Variants in CYFIP1 observed in about 807,000 individuals in gnomAD.
The protein encoded by CYFIP1 is cytoplasmic FMR1-interacting protein 1.
Under a neutral mutation model 163.5 loss-of-function variants are expected in CYFIP1, and 58 were observed. The ratio of observed to expected loss-of-function variants is 0.35; its 90% confidence interval spans 0.29 to 0.44. The LOEUF is 0.44. CYFIP1 is among the 20% of genes least tolerant of loss of function. The pLI is 1.00. For missense variants in CYFIP1, 1,338 were observed against 1,653.8 expected (o/e 0.81, Z 3.31); for synonymous variants, 663 against 660.7 (o/e 1.00, Z -0.05).
At chr15:22,940,109 G>T (rs2061849921) in intron 6 of CYFIP1, among the ~76,000 whole-genome samples, 1 of 152,218 alleles carries the variant, frequency 6.6e-6, no homozygotes, top group East Asian at 1.9e-4. Flanking sequence ...AGGGCAGGGT[G>T]AAGGTGGGGG....
chr15:22,928,623 A>T (rs1027949458), intron 11 of CYFIP1, among the ~76,000 whole-genome samples: 15 of 152,056 alleles, frequency 9.9e-5, no homozygotes, highest in African/African-American at 3.6e-4. Context: ...GAAGGGCAAC[A>T]CACAAGTCAC....
rs180803969 is a variant in CYFIP1, at chr15:22,947,462, C to T, written c.-6-171G>A. 3.3e-5 allele frequency: 29 copies of T among 883,668 alleles called. No individual in the cohort carries two copies. The African/African-American group carries it at 3.7e-4, about 11-fold the overall frequency. 54.7% of individuals were successfully genotyped at this position (883,668 alleles called of 1,614,324 possible). ...GGAGTTGCGTGTCTCTCTCAGGGCA[C>T]GTGGGCCAGCAGGCTGGGAGGCCCT... is the stretch of plus-strand genomic sequence containing the variant. On this transcript the variant is annotated intron_variant, in intron 1 of 30. Coordinates refer to ENST00000617928, the MANE Select transcript of CYFIP1 (RefSeq NM_014608.6).
chr15:22,913,750 G>A (rs989851031), intron 17 of CYFIP1, among the ~76,000 whole-genome samples: 1 of 152,102 alleles, frequency 6.6e-6, no homozygotes, highest in Non-Finnish European at 1.5e-5. Flanking sequence ...GGGCAAGGAG[G>A]CCCATGCCTG....
rs762679316 is a variant in CYFIP1 at position 22,916,750 on chromosome 15, G to A, written c.1675-120C>T. On this transcript the variant is annotated intron_variant, in intron 15 of 30. Transcript: ENST00000617928. ...GCTACGCCCTGGTCGGGAGGGCCCCGCACCAGCTCCCCGAGGGGTCCGGGT... is the reference window on the plus strand; with the variant it reads ...GCTACGCCCTGGTCGGGAGGGCCCCACACCAGCTCCCCGAGGGGTCCGGGT... 2.0e-5 allele frequency: 33 copies of A among 1,610,254 alleles called. No homozygotes were observed. The Middle Eastern group carries it at 4.9e-4, about 24-fold the overall frequency.
chr15:22,908,798 G>A (rs2060679037), intron 21 of CYFIP1, among the ~76,000 whole-genome samples: 1 of 151,926 alleles, frequency 6.6e-6, no homozygotes, highest in South Asian at 2.1e-4. Context: ...CAAAGTGCTG[G>A]GATTACAGGC....
rs2062088984 is a variant in CYFIP1 at position 22,947,159 on chromosome 15, G to A, written c.117+10C>T. 6.2e-7 allele frequency: 1 copy of A among 1,613,960 alleles called. No homozygotes were observed. Among genetic ancestry groups the A allele is most frequent in the Non-Finnish European group, 8.5e-7 (1 of 1,179,952 alleles). ...ACAGGCTGTACGCCCTGCAGCTGCTGGGCACCCACCTGGTAGAGCAGCGAG... is the reference window on the plus strand; with the variant it reads ...ACAGGCTGTACGCCCTGCAGCTGCTAGGCACCCACCTGGTAGAGCAGCGAG... On this transcript the variant is annotated intron_variant, in intron 2 of 30. Transcript: ENST00000617928.
At chr15:22,889,084 C>G (rs111453534) in intron 23 of CYFIP1, among the ~76,000 whole-genome samples, 1,858 of 151,898 alleles carry the variant, frequency 0.012, 22 homozygotes, top group Non-Finnish European at 0.018. Flanking sequence ...AAAGAAAAAC[C>G]ATGTACTAGC....
chr15:22,913,687 T>TGG (rs1325096557), intron 17 of CYFIP1, among the ~76,000 whole-genome samples: 2 of 139,882 alleles, frequency 1.4e-5, no homozygotes, highest in African/African-American at 5.5e-5. Flanking sequence ...GCATGGCCCA[T>TGG]GGTTGAAGGC....
chr15:22,882,866 A>G lies in CYFIP1; in HGVS notation c.2820+2T>C. 2.5e-6 allele frequency: 4 copies of G among 1,612,868 alleles called. No individual in the cohort carries two copies. Among genetic ancestry groups the G allele is most frequent in the Non-Finnish European group, 3.4e-6 (4 of 1,178,996 alleles). ...AAAGAAGCATGTCCAGGGAACACTCACCAGGCTCTTGACGACCTTCAGCAG... is the reference window on the plus strand; with the variant it reads ...AAAGAAGCATGTCCAGGGAACACTCGCCAGGCTCTTGACGACCTTCAGCAG... On this transcript the variant is annotated splice_donor_variant, in intron 24 of 30. Coordinates refer to ENST00000617928, the MANE Select transcript of CYFIP1 (RefSeq NM_014608.6). LOFTEE classifies it high-confidence loss of function.
chr15:22,944,872 G>T lies in CYFIP1; in HGVS notation c.275C>A (p.Ala92Asp). 1 of 1,613,898 alleles carries T rather than the reference G, an allele frequency of 6.2e-7. No individual in the cohort carries two copies. The highest frequency in any genetic ancestry group is 8.5e-7 in the Non-Finnish European group (1 of 1,179,932). The change falls in exon 4 of 31, where the codon GCC (alanine) becomes GAC (aspartate). Residue 92 changes from alanine (A) to aspartate (D), a missense_variant. Around this residue, in one of 4 missense-constraint regions of CYFIP1, gnomAD observed 186 missense variants for 288.3 expected, o/e 0.65. Coordinates refer to ENST00000617928, the MANE Select transcript of CYFIP1 (RefSeq NM_014608.6). Reference sequence around the variant, plus strand: ...AGGCGAGCGTGGCACCTGTGGGATGGCCCGGGAGCAGCTCCTCCAGGTGTA... The same window carrying T: ...AGGCGAGCGTGGCACCTGTGGGATGTCCCGGGAGCAGCTCCTCCAGGTGTA... Reference protein sequence around the residue: ...MLYTWRSCSRAIPQVKCNEQP... With the variant: ...MLYTWRSCSRDIPQVKCNEQP...
intron 22 of CYFIP1, among the ~76,000 whole-genome samples, 159 bp downstream of exon 22, chr15:22,903,547 A>G (rs2060468574): frequency 6.6e-6 from 1 of 152,226 alleles, no homozygotes. Context: ...CTGCCTGTGC[A>G]CACAGAAGAC....
At chr15:22,956,922 T>C (rs578248393) in intron 1 of CYFIP1, among the ~76,000 whole-genome samples, 1 of 152,378 alleles carries the variant, frequency 6.6e-6, no homozygotes, top group Admixed American at 6.5e-5. Flanking sequence ...TACTTCTCTT[T>C]CCACCCTAGG....
chr15:22,891,509 G>A (rs1190967665), intron 23 of CYFIP1, among the ~76,000 whole-genome samples: 6 of 152,336 alleles, frequency 3.9e-5, no homozygotes, highest in South Asian at 2.1e-4. Flanking sequence ...CCCGTTTCCC[G>A]AAGAGGAATC....
chr15:22,894,313 G>C (rs1398019241), intron 22 of CYFIP1, among the ~76,000 whole-genome samples: 1 of 125,478 alleles, frequency 8.0e-6, no homozygotes, highest in Non-Finnish European at 1.6e-5. Flanking sequence ...TTCTGAGATG[G>C]AGTTTTGCTC....
intron 11 of CYFIP1, among the ~76,000 whole-genome samples, chr15:22,929,284 A>G (rs928585091): frequency 5.9e-5 from 9 of 151,802 alleles, no homozygotes; most frequent in African/African-American, 2.2e-4. Context: ...CCTGCAAAAC[A>G]AATCATAAAA....
chr15:22,924,350 G>A (rs1045415792), intron 13 of CYFIP1, among the ~76,000 whole-genome samples: 4 of 152,180 alleles, frequency 2.6e-5, no homozygotes, highest in African/African-American at 4.8e-5. Context: ...CTTGAACCCG[G>A]GAGGGAGAAG....
intron 9 of CYFIP1, among the ~76,000 whole-genome samples, chr15:22,934,379 G>GT: frequency 1.3e-5 from 2 of 149,640 alleles, no homozygotes; most frequent in South Asian, 4.2e-4. Flanking sequence ...GTAGAGATGG[G>GT]ATTCACTGTG....
Position 22,903,774 on chromosome 15 carries a change from G to A in CYFIP1, c.2520C>T (p.Thr840=). The A allele has an allele frequency of 6.2e-7, 1 of 1,614,172 alleles. No homozygotes were observed. Among genetic ancestry groups the A allele is most frequent in the African/African-American group, 1.3e-5 (1 of 75,052 alleles). The change falls in exon 22 of 31, where the codon ACC becomes ACT. Residue 840 remains threonine, a synonymous_variant. Coordinates refer to ENST00000617928, the MANE Select transcript of CYFIP1 (RefSeq NM_014608.6). ...HNVSAPYGRI[T]LHVFWELNYD... is the part of the protein sequence containing the mutation. ...AGTTGAGCTCCCAGAAGACGTGCAGGGTGATCCTCCCGTAGGGCGCTGACA... is the reference window on the plus strand; with the variant it reads ...AGTTGAGCTCCCAGAAGACGTGCAGAGTGATCCTCCCGTAGGGCGCTGACA...
intron 1 of CYFIP1, among the ~76,000 whole-genome samples, chr15:22,978,184 T>A (rs1230993082): frequency 1.3e-5 from 2 of 151,334 alleles, no homozygotes; most frequent in Admixed American, 6.6e-5. Context: ...AAACCCCGTC[T>A]CTACTAAAAA....
Sources: allele counts gnomAD v4.1 joint callset (sites outside exome capture counted in the v4.1 genomes callset), GRCh38; gene constraint gnomAD v4.1.1; regional missense constraint gnomAD v4.1.1; transcripts MANE v1.5; gene names NCBI Gene and HGNC (gene_info 2026-07-23, HGNC 2026-07-21).